Variants in SOAT1 observed in about 807,000 individuals in gnomAD.
SOAT1 encodes sterol O-acyltransferase 1.
A neutral mutation model predicts 69.5 loss-of-function variants in SOAT1; 55 were observed. The observed-to-expected ratio is 0.79, with a 90% CI of 0.64 to 0.99. The LOEUF (loss-of-function observed/expected upper bound fraction) is 0.99. SOAT1 is among the 50% of genes least tolerant of loss of function. The pLI, the probability that SOAT1 is intolerant of heterozygous loss-of-function variation, is 0.00. For missense variants in SOAT1, 580 were observed against 669.3 expected (o/e 0.87, Z 1.47); for synonymous variants, 231 against 224.7 (o/e 1.03, Z -0.25).
rs932766686 is a variant in SOAT1, at chr1:179,353,350, G to A, written c.1597-235G>A. On this transcript the variant is annotated intron_variant, in intron 15 of 15. Transcript: ENST00000367619. ...GTCAAAGTCCACACAATTGTGTATAGTTTACTGGACTTTAAAAGCTTTATG... is the reference window on the plus strand; with the variant it reads ...GTCAAAGTCCACACAATTGTGTATAATTTACTGGACTTTAAAAGCTTTATG... Among the ~76,000 whole-genome samples the A allele has an allele frequency of 3.3e-5, 5 of 149,368 alleles. No homozygotes were observed. In the East Asian group the frequency reaches 9.9e-4, roughly 30 times the overall value.
chr1:179,353,724 A>C lies in SOAT1; in HGVS notation c.*83A>C. On this transcript the variant is annotated 3_prime_UTR_variant, in exon 16 of 16. Transcript: ENST00000367619. ...GCCAGCTGTTTCCAGTTGTTACTGA[A>C]GTTATCTGTGTTATTTGGACCACTC... The C allele has an allele frequency of 8.4e-7, 1 of 1,194,594 alleles. No individual in the cohort carries two copies. The highest frequency in any genetic ancestry group is 1.2e-6 in the Non-Finnish European group (1 of 804,284). The allele number at this position is 1,194,594 out of a possible 1,614,324, so 74.0% of individuals were successfully genotyped here.
chr1:179,296,933 C>T (rs572434082), intron 1 of SOAT1, among the ~76,000 whole-genome samples: 7 of 152,240 alleles, frequency 4.6e-5, no homozygotes, highest in South Asian at 2.1e-4. Flanking sequence ...TATGTAATTG[C>T]GTGCACAGAT....
chr1:179,333,402 A>AC (rs1358556576), intron 3 of SOAT1, among the ~76,000 whole-genome samples: 1 of 151,532 alleles, frequency 6.6e-6, no homozygotes, highest in Admixed American at 6.6e-5. Flanking sequence ...TCTTCTAAAA[A>AC]AAAAAAAACA....
intron 13 of SOAT1, among the ~76,000 whole-genome samples, chr1:179,349,411 T>TCCTCCTC (rs1455050460): frequency 1.4e-5 from 2 of 142,326 alleles, no homozygotes; most frequent in African/African-American, 5.2e-5. Context: ...CACTGCAACC[T>TCCTCCTC]CCTCCTCCCG....
At chr1:179,342,695 T>C (rs990382954) in intron 8 of SOAT1, among the ~76,000 whole-genome samples, 167 bp from the exon 9 acceptor site, 1 of 152,208 alleles carries the variant, frequency 6.6e-6, no homozygotes, top group Non-Finnish European at 1.5e-5. Flanking sequence ...ATTGGTAATA[T>C]TCAATTCGTG....
At chr1:179,338,982 T>G (rs1254474139) in intron 5 of SOAT1, among the ~76,000 whole-genome samples, 1 of 152,114 alleles carries the variant, frequency 6.6e-6, no homozygotes, top group Non-Finnish European at 1.5e-5. Flanking sequence ...TATTGTTATA[T>G]TCTAAAAGAA....
chr1:179,303,205 T>G (rs145310056), intron 2 of SOAT1, among the ~76,000 whole-genome samples: 1 of 152,360 alleles, frequency 6.6e-6, no homozygotes, highest in African/African-American at 2.4e-5. Context: ...ACTTTCATAA[T>G]AGATGTAATG....
At chr1:179,353,211 A>ATAAATATATAAATATAAATAAAAATT (rs1553248893) in intron 15 of SOAT1, among the ~76,000 whole-genome samples, 1 of 64,522 alleles carries the variant, frequency 1.5e-5, no homozygotes, top group African/African-American at 5.7e-5. Flanking sequence ...ATATATAAAT[A>ATAAATATATAAATATAAATAAAAATT]TATATATATA....
At chr1:179,326,406 A>C (rs1665791650) in intron 3 of SOAT1, among the ~76,000 whole-genome samples, 1 of 152,222 alleles carries the variant, frequency 6.6e-6, no homozygotes, top group Non-Finnish European at 1.5e-5. Flanking sequence ...TATATGTATT[A>C]GACTGTGCAT....
chr1:179,320,296 T>G (rs1435535182), intron 2 of SOAT1, among the ~76,000 whole-genome samples: 1 of 152,160 alleles, frequency 6.6e-6, no homozygotes, highest in Non-Finnish European at 1.5e-5. Flanking sequence ...GAAGAATCTT[T>G]CCGCATTTTT....
intron 14 of SOAT1, among the ~76,000 whole-genome samples, chr1:179,350,912 TA>T (rs1255992305): frequency 2.0e-4 from 31 of 151,686 alleles, no homozygotes; most frequent in African/African-American, 7.3e-4. Flanking sequence ...GTGACCAGAA[TA>T]AAAAAATATA....
intron 3 of SOAT1, among the ~76,000 whole-genome samples, chr1:179,331,629 G>GT (rs1665977787): frequency 1.3e-5 from 2 of 152,256 alleles, no homozygotes; most frequent in African/African-American, 4.8e-5. Context: ...AATCAGTTGG[G>GT]TGGGGGGCAG....
At chr1:179,297,995 T>A (rs1377647199) in intron 1 of SOAT1, among the ~76,000 whole-genome samples, 1 of 89,204 alleles carries the variant, frequency 1.1e-5, no homozygotes, top group Admixed American at 9.9e-5. Context: ...AGAGTGAAAC[T>A]CTGTCTCAAA....
chr1:179,311,806 A>G (rs1384543468), intron 2 of SOAT1, among the ~76,000 whole-genome samples: 1 of 152,246 alleles, frequency 6.6e-6, no homozygotes, highest in Non-Finnish European at 1.5e-5. Flanking sequence ...GATGACATCC[A>G]TATCATAATT....
At chr1:179,300,702 T>A (rs1017813924) in intron 1 of SOAT1, among the ~76,000 whole-genome samples, 1 of 152,192 alleles carries the variant, frequency 6.6e-6, no homozygotes, top group African/African-American at 2.4e-5. Flanking sequence ...TATATATAGC[T>A]TTAAAATAAT....
At chr1:179,336,866 G>C (rs754806181) in intron 4 of SOAT1, among the ~76,000 whole-genome samples, 1 of 152,058 alleles carries the variant, frequency 6.6e-6, no homozygotes, top group Admixed American at 6.6e-5. Flanking sequence ...GCCATGGCAA[G>C]TGCCTATAAT....
At chr1:179,339,373 G>T (rs1335436125) in intron 5 of SOAT1, 65 bp from the exon 6 acceptor site, 22 of 1,120,072 alleles carry the variant, frequency 2.0e-5, no homozygotes, top group Non-Finnish European at 2.8e-5. Flanking sequence ...TTTAAGAAAA[G>T]ATTTTATGGT....
rs1346630521 is a variant in SOAT1 at position 179,348,918 on chromosome 1, C to T, written c.1290C>T (p.Tyr430=). The T allele has an allele frequency of 1.9e-6, 3 of 1,602,746 alleles. No individual in the cohort carries two copies. The Admixed American group carries it at 5.0e-5, about 27-fold the overall frequency. Residue 430 remains tyrosine (Y), a synonymous_variant, in exon 13 of 16, where the codon TAC becomes TAT. Coordinates refer to ENST00000367619, the MANE Select transcript of SOAT1 (RefSeq NM_003101.6). ...TGGTGGTCCATGACTGGCTATATTACTATGCTTACAAGGACTTTCTCTGGG... is the reference window on the plus strand; with the variant it reads ...TGGTGGTCCATGACTGGCTATATTATTATGCTTACAAGGACTTTCTCTGGG... ...WNVVVHDWLY[Y]YAYKDFLWFF...
At chr1:179,315,966 A>G (rs1665378391) in intron 2 of SOAT1, among the ~76,000 whole-genome samples, 1 of 152,228 alleles carries the variant, frequency 6.6e-6, no homozygotes, top group African/African-American at 2.4e-5. Flanking sequence ...ACTTATTGAA[A>G]AATCAAATGG....
Sources: allele counts gnomAD v4.1 joint callset (sites outside exome capture counted in the v4.1 genomes callset), GRCh38; gene constraint gnomAD v4.1.1; transcripts MANE v1.5; gene names NCBI Gene and HGNC (gene_info 2026-07-23, HGNC 2026-07-21).